Variants in TCF4 observed in about 807,000 individuals in gnomAD.
The protein encoded by TCF4 is transcription factor 4.
A neutral mutation model predicts 82.1 loss-of-function variants in TCF4; 3 were observed. The ratio of observed to expected loss-of-function variants is 0.04; its 90% CI spans 0.02 to 0.09. TCF4 has a LOEUF of 0.09. Among genes scored for constraint, TCF4 ranks in the 10% least tolerant of loss-of-function variants. The probability of loss-of-function intolerance (pLI) is 1.00; values close to 1 mark genes in which losing one functional copy is unlikely to be tolerated. For missense variants in TCF4, 518 were observed against 852.7 expected, an observed-to-expected ratio of 0.61 and a Z score of 4.89; for synonymous variants, 276 against 309.6, an observed-to-expected ratio of 0.89 and a Z score of 1.14.
chr18:55,311,705 T>C (rs548005621), intron 8 of TCF4, among the ~76,000 whole-genome samples: 18 of 152,352 alleles, frequency 1.2e-4, no homozygotes, highest in African/African-American at 3.4e-4. Flanking sequence ...ACACAGGTAA[T>C]GTATGTTCAC....
intron 8 of TCF4, 53 bp downstream of exon 8, chr18:55,350,306 T>C (rs1345251631): frequency 1.8e-5 from 29 of 1,572,732 alleles, no homozygotes; most frequent in Non-Finnish European, 2.4e-5. Context: ...TTCCCATCAA[T>C]ACAAAACAGA....
chr18:55,347,341 T>TA (rs891048870), intron 8 of TCF4, among the ~76,000 whole-genome samples: 323 of 149,886 alleles, frequency 2.2e-3, no homozygotes, highest in African/African-American at 7.0e-3. Flanking sequence ...GGCTTTCCTT[T>TA]AAAAAAAAAA....
chr18:55,546,942 G>GAGAAAA (rs2097212319), intron 3 of TCF4: 1 of 152,218 alleles, frequency 6.6e-6, no homozygotes, highest in Non-Finnish European at 1.5e-5. Flanking sequence ...GAGAAAAATG[G>GAGAAAA]AGAAAAAGAA....
chr18:55,243,067 G>C (rs2051851633), intron 15 of TCF4, among the ~76,000 whole-genome samples: 1 of 152,148 alleles, frequency 6.6e-6, no homozygotes, highest in African/African-American at 2.4e-5. Flanking sequence ...GACATTTTAG[G>C]CAGGTTTTGA....
intron 8 of TCF4, among the ~76,000 whole-genome samples, chr18:55,294,962 G>T (rs1015024000): frequency 6.6e-6 from 1 of 152,054 alleles, no homozygotes; most frequent in Admixed American, 6.5e-5. Context: ...CCCAAAATTC[G>T]GAAACATAAT....
chr18:55,440,762 G>C (rs1463723391), intron 5 of TCF4, among the ~76,000 whole-genome samples: 1 of 152,096 alleles, frequency 6.6e-6, no homozygotes, highest in African/African-American at 2.4e-5. Context: ...TGTCAACTGT[G>C]CCTCTTTCTT....
chr18:55,251,657 G>A (rs1360083625), intron 15 of TCF4, among the ~76,000 whole-genome samples: 2 of 152,284 alleles, frequency 1.3e-5, no homozygotes, highest in South Asian at 2.1e-4. Context: ...GAGTTAGAAA[G>A]GCGATGTGCT....
chr18:55,432,223 A>G, intron 5 of TCF4, among the ~76,000 whole-genome samples: 1 of 152,168 alleles, frequency 6.6e-6, no homozygotes, highest in East Asian at 1.9e-4. Flanking sequence ...GAATCACTTG[A>G]ACCCAGGAGG....
At chr18:55,347,869 G>T (rs913150920) in intron 8 of TCF4, among the ~76,000 whole-genome samples, 4 of 152,062 alleles carry the variant, frequency 2.6e-5, no homozygotes, top group African/African-American at 9.7e-5. Flanking sequence ...ACATATAAGT[G>T]TCTTATGTAG....
At chr18:55,527,978 GATATTTGTACC>G (rs2097009993) in intron 3 of TCF4, among the ~76,000 whole-genome samples, 2 of 152,180 alleles carry the variant, frequency 1.3e-5, no homozygotes, top group South Asian at 4.1e-4. Context: ...CCAGAGCTAA[GATATTTGTACC>G]TACTTGAAGG....
At chr18:55,350,318 C>T (rs1200611093) in intron 8 of TCF4, 41 bp downstream of exon 8, 1 of 1,600,038 alleles carries the variant, frequency 6.2e-7, no homozygotes, top group East Asian at 2.2e-5. Context: ...CAAAACAGAA[C>T]AAAATAAGCA....
At chr18:55,398,178 C>T (rs570987066) in intron 6 of TCF4, among the ~76,000 whole-genome samples, 1 of 152,252 alleles carries the variant, frequency 6.6e-6, no homozygotes, top group South Asian at 2.1e-4. Flanking sequence ...CCCATTCTCC[C>T]CTTTGATAAG....
intron 3 of TCF4, among the ~76,000 whole-genome samples, chr18:55,528,273 T>C (rs991110798): frequency 1.2e-4 from 18 of 152,180 alleles, no homozygotes; most frequent in African/African-American, 4.3e-4. Context: ...TATCTAATGT[T>C]TGGTAAGTAA....
chr18:55,355,470 T>TA (rs1312646718), intron 6 of TCF4, among the ~76,000 whole-genome samples: 1 of 152,138 alleles, frequency 6.6e-6, no homozygotes, highest in African/African-American at 2.4e-5. Context: ...ATTGCTGACT[T>TA]ACTACAGTAG....
At chr18:55,322,318 C>T in intron 8 of TCF4, 1 of 1,026,656 alleles carries the variant, frequency 9.7e-7, no homozygotes, top group East Asian at 6.1e-5. Context: ...TCGTATGATG[C>T]ACATCTAATA....
rs181294861 is a variant in TCF4, at chr18:55,462,812, C to T, written c.207+1264G>A. The stretch of plus-strand genomic sequence containing the variant: ...ACATGAGGAGGAGGAAAGATTTCCT[C>T]AACCCATCCATATAAAGCATTAGAA... On this transcript the variant is annotated intron_variant, in intron 4 of 19. Transcript: ENST00000354452. Among the ~76,000 whole-genome samples the T allele has an allele frequency of 2.0e-5, 3 of 152,242 alleles. No homozygotes were observed. The East Asian group carries it at 5.8e-4, about 29-fold the overall frequency.
intron 3 of TCF4, among the ~76,000 whole-genome samples, chr18:55,577,351 CA>C (rs971642702): frequency 5.3e-5 from 8 of 150,764 alleles, no homozygotes; most frequent in African/African-American, 1.7e-4. Flanking sequence ...TAGATGCAAA[CA>C]ACATCCCATC....
intron 2 of TCF4, among the ~76,000 whole-genome samples, chr18:55,598,940 G>A (rs912608005): frequency 2.6e-5 from 4 of 152,186 alleles, no homozygotes; most frequent in Non-Finnish European, 4.4e-5. Flanking sequence ...GCCTCTAGAC[G>A]GAGATAGCTG....
At chr18:55,386,468 A>G (rs992917941) in intron 6 of TCF4, among the ~76,000 whole-genome samples, 3 of 152,210 alleles carry the variant, frequency 2.0e-5, no homozygotes, top group African/African-American at 7.2e-5. Context: ...GAGCACAATC[A>G]TAATTTCTTG....
Sources: gnomAD v4.1 joint callset for allele counts (sites outside exome capture counted in the v4.1 genomes callset) on GRCh38, gnomAD v4.1.1 for gene constraint, MANE v1.5 for transcripts, NCBI Gene and HGNC (gene_info 2026-07-23, HGNC 2026-07-21) for gene names.